Variants in RIPOR2 observed in about 807,000 individuals in gnomAD.
The protein encoded by RIPOR2 is rho family-interacting cell polarization regulator 2.
In RIPOR2, 39 loss-of-function variants were observed where a neutral mutation model predicts 114.5. The observed-to-expected ratio is 0.34, with a 90% CI of 0.26 to 0.44. The LOEUF is 0.44. Among genes scored for constraint, RIPOR2 ranks in the 20% least tolerant of loss-of-function variants. The pLI is 1.00. For synonymous variants in RIPOR2, 445 were observed against 484.4 expected, an observed-to-expected ratio of 0.92 and a Z score of 1.07; for missense variants, 1,007 against 1,255.1, an observed-to-expected ratio of 0.80 and a Z score of 2.99.
intron 1 of RIPOR2, among the ~76,000 whole-genome samples, chr6:25,002,541 C>T (rs191812881): frequency 6.6e-6 from 1 of 152,224 alleles, no homozygotes; most frequent in East Asian, 1.9e-4. Flanking sequence ...ACTTCCTGCA[C>T]GTTTCCATAG....
chr6:24,838,924 C>G (rs921464091), intron 14 of RIPOR2, among the ~76,000 whole-genome samples, 167 bp downstream of exon 14: 1 of 152,054 alleles, frequency 6.6e-6, no homozygotes, highest in East Asian at 1.9e-4. Flanking sequence ...TAATATTGAC[C>G]CTTTTATTGC....
chr6:24,845,783 G>A lies in RIPOR2; in HGVS notation c.1165-2229C>T, dbSNP rs139341764. ...CCCAATGAGGGAGTGGCTGCTGCCT[G>A]TGAAAGAGCCAATCCTGGAGCTCAG... is the stretch of plus-strand genomic sequence containing the variant. On this transcript the variant is annotated intron_variant, in intron 12 of 21. Transcript: ENST00000643898. Among the ~76,000 whole-genome samples, 1,047 of 152,296 alleles carry A rather than the reference G, an allele frequency of 6.9e-3. 12 individuals are homozygous for A. The highest frequency in any genetic ancestry group is 0.021 in the African/African-American group (890 of 41,564).
chr6:24,878,119 T>A (rs1043688123), intron 1 of RIPOR2, among the ~76,000 whole-genome samples: 32 of 152,180 alleles, frequency 2.1e-4, no homozygotes, highest in South Asian at 6.2e-4. Flanking sequence ...AACTTTAAAA[T>A]GGAGAATCAA....
intron 1 of RIPOR2, among the ~76,000 whole-genome samples, chr6:24,932,575 T>C (rs1005078235): frequency 1.3e-5 from 2 of 152,196 alleles, no homozygotes; most frequent in African/African-American, 4.8e-5. Context: ...GCAAACAGGA[T>C]CTCAGAAAGG....
chr6:24,915,478 C>T (rs1561770572), intron 1 of RIPOR2, among the ~76,000 whole-genome samples: 1 of 152,116 alleles, frequency 6.6e-6, no homozygotes, highest in Non-Finnish European at 1.5e-5. Context: ...CCTCACCTTC[C>T]CAAGTAGCTG....
At chr6:24,936,371 C>A (rs1771809926), upstream of RIPOR2, among the ~76,000 whole-genome samples, 1 of 152,166 alleles carries the variant, frequency 6.6e-6, no homozygotes, top group South Asian at 2.1e-4. Flanking sequence ...TATGTTAAAC[C>A]AAAGCAGGCA....
intron 1 of RIPOR2, among the ~76,000 whole-genome samples, chr6:24,888,388 A>G (rs1156241571): frequency 6.6e-6 from 1 of 152,224 alleles, no homozygotes; most frequent in Non-Finnish European, 1.5e-5. Flanking sequence ...TTACTTCAGA[A>G]CAGCATCAAA....
At chr6:25,024,072 C>T (rs1776473731) in intron 1 of RIPOR2, 2 of 771,810 alleles carry the variant, frequency 2.6e-6, no homozygotes, top group South Asian at 2.7e-5. Context: ...GAGCAGTGCC[C>T]TTTATCTGGG....
At chr6:24,937,822 CA>C (rs1771900536), upstream of RIPOR2, among the ~76,000 whole-genome samples, 1 of 152,102 alleles carries the variant, frequency 6.6e-6, no homozygotes, top group Admixed American at 6.6e-5. Context: ...TTCCAGAGCT[CA>C]CTCTGTTACC....
chr6:24,990,041 A>T (rs548835759), intron 1 of RIPOR2, among the ~76,000 whole-genome samples: 47 of 152,296 alleles, frequency 3.1e-4, no homozygotes, highest in African/African-American at 1.1e-3. Flanking sequence ...TAAAAATAAA[A>T]AAAAATAAAA....
intron 21 of RIPOR2, among the ~76,000 whole-genome samples, chr6:24,808,038 C>G (rs144372415): frequency 1.3e-5 from 2 of 152,120 alleles, no homozygotes; most frequent in African/African-American, 2.4e-5. Context: ...ATCCTGATGC[C>G]AAGGAACACT....
intron 1 of RIPOR2, among the ~76,000 whole-genome samples, chr6:24,919,058 G>A (rs1178186144): frequency 6.6e-6 from 1 of 152,194 alleles, no homozygotes; most frequent in African/African-American, 2.4e-5. Context: ...ACTTTGCAGA[G>A]GTGAAAGTGG....
chr6:24,990,423 G>A (rs184302474), intron 1 of RIPOR2, among the ~76,000 whole-genome samples: 1 of 152,350 alleles, frequency 6.6e-6, no homozygotes, highest in African/African-American at 2.4e-5. Context: ...TGATGACAAA[G>A]ATGTGATACC....
At chr6:24,909,135 G>A (rs539042204) in intron 1 of RIPOR2, among the ~76,000 whole-genome samples, 95 of 152,298 alleles carry the variant, frequency 6.2e-4, no homozygotes, top group Admixed American at 1.4e-3. Flanking sequence ...CTTCCTGGGG[G>A]AAAGGACACA....
At chr6:24,932,344 A>G (rs201487378) in intron 1 of RIPOR2, among the ~76,000 whole-genome samples, 3 of 137,570 alleles carry the variant, frequency 2.2e-5, no homozygotes, top group African/African-American at 2.7e-5. Flanking sequence ...GTGTGTGTGT[A>G]TGAGAGAGAG....
At position 24,858,957 on chromosome 6, in the gene RIPOR2, GT is replaced by G. The variant is rs1763782606; in HGVS notation, c.715+2015del. Among the ~76,000 whole-genome samples the G allele has an allele frequency of 3.3e-5, 5 of 152,282 alleles. No individual in the cohort carries two copies. The South Asian group carries it at 1.0e-3, about 32-fold the overall frequency. ...CACTCCTAGGGTGTCTCTGTGCTAG[GT>G]TGGAGAGGATCTGCCCGTGAGGGAG... On this transcript the variant is annotated intron_variant, in intron 8 of 21. Coordinates refer to ENST00000643898, the MANE Select transcript of RIPOR2 (RefSeq NM_001286445.3). This position sits in a 1 kb window ranked among gnomAD's most constrained non-coding sequence, Gnocchi z 4.0.
At chr6:24,889,581 C>T (rs1044584399) in intron 1 of RIPOR2, among the ~76,000 whole-genome samples, 3 of 152,044 alleles carry the variant, frequency 2.0e-5, no homozygotes, top group Admixed American at 2.0e-4. Flanking sequence ...GATCTGTGAC[C>T]TATTGTGTTT....
intron 9 of RIPOR2, among the ~76,000 whole-genome samples, chr6:24,851,686 G>A (rs1035269715): frequency 1.3e-5 from 2 of 150,868 alleles, no homozygotes; most frequent in African/African-American, 4.9e-5. Flanking sequence ...AGATCTGGAT[G>A]TTATTTTTCT....
intron 1 of RIPOR2, among the ~76,000 whole-genome samples, chr6:24,918,773 A>C (rs1029906735): frequency 1.4e-4 from 21 of 152,114 alleles, no homozygotes; most frequent in Admixed American, 7.2e-4. Flanking sequence ...GGGAACACAC[A>C]CCGAAGCCAT....
Sources: allele counts gnomAD v4.1 joint callset (sites outside exome capture counted in the v4.1 genomes callset), GRCh38; gene constraint gnomAD v4.1.1; non-coding constraint Gnocchi (gnomAD v3.1); transcripts MANE v1.5; gene names NCBI Gene and HGNC (gene_info 2026-07-23, HGNC 2026-07-21).